GNPTG: variants seen among roughly 807,000 people sequenced by gnomAD.
GNPTG encodes N-acetylglucosamine-1-phosphotransferase subunit gamma.
Under a neutral mutation model 43.8 loss-of-function variants are expected in GNPTG, and 46 were observed. That is an observed-to-expected ratio of 1.05 (90% CI 0.83 to 1.34). The LOEUF (loss-of-function observed/expected upper bound fraction) is 1.34, where lower values mean the gene tolerates loss of function less well. Among genes scored for constraint, GNPTG ranks in the 40% most tolerant of loss-of-function variants. The probability of loss-of-function intolerance (pLI) is 0.00; values close to 1 mark genes in which losing one functional copy is unlikely to be tolerated. For synonymous variants in GNPTG, 250 were observed against 172.8 expected (o/e 1.45, Z -3.50); for missense variants, 549 against 411.3 (o/e 1.33, Z -2.90).
chr16:1,354,422 C>A (rs554606206), intron 3 of GNPTG, among the ~76,000 whole-genome samples: 61 of 151,500 alleles, frequency 4.0e-4, no homozygotes, highest in African/African-American at 1.3e-3. Context: ...CTAAAAAAAA[C>A]CACAAAAACA....
At position 1,363,534 on chromosome 16, in the gene GNPTG, C is replaced by T. The variant is rs1039513704; in HGVS notation, c.*443C>T. The T allele has an allele frequency of 2.8e-5, 7 of 247,624 alleles. No homozygotes were observed. Among genetic ancestry groups the T allele is most frequent in the South Asian group, 1.2e-4 (3 of 24,594 alleles). The allele number at this position is 247,624 out of a possible 1,614,324, so 15.3% of individuals were successfully genotyped here. A position where few individuals can be genotyped will look rare whatever the true frequency, so the allele number is the denominator to read the frequency against. The stretch of plus-strand genomic sequence containing the variant: ...GAATGTCGAACACTAGAGTTACAGA[C>T]GACAGGCAACAAGAACATGCAGAGC... On this transcript the variant is annotated 3_prime_UTR_variant, in exon 11 of 11. Coordinates refer to ENST00000204679, the MANE Select transcript of GNPTG (RefSeq NM_032520.5).
At chr16:1,356,759 C>A (rs1467668656) in intron 3 of GNPTG, among the ~76,000 whole-genome samples, 1 of 152,234 alleles carries the variant, frequency 6.6e-6, no homozygotes, top group Non-Finnish European at 1.5e-5. Context: ...GCGCCCACGC[C>A]CCTCCTGGGG....
At chr16:1,354,380 A>C (rs138266370) in intron 3 of GNPTG, among the ~76,000 whole-genome samples, 2,494 of 152,084 alleles carry the variant, frequency 0.016, 65 homozygotes, top group African/African-American at 0.056. Flanking sequence ...GTTCGAGACC[A>C]GCCTGGCCAA....
intron 3 of GNPTG, among the ~76,000 whole-genome samples, chr16:1,353,290 T>C (rs2034717356): frequency 6.6e-6 from 1 of 152,194 alleles, no homozygotes; most frequent in Admixed American, 6.5e-5. Context: ...GTAATTTTAT[T>C]ATCGAATACC....
chr16:1,361,740 C>T lies in GNPTG; in HGVS notation c.179-3C>T, dbSNP rs2034884159. ...CTGGGGATCAGTGTGAGGTCTCTTC[C>T]AGGACCCGTGCATCTCTTCCGACTC... is the stretch of plus-strand genomic sequence containing the variant. On this transcript the variant is annotated splice_polypyrimidine_tract_variant and splice_region_variant and intron_variant, in intron 3 of 10. Transcript: ENST00000204679. 2 of 1,614,106 alleles carry T rather than the reference C, an allele frequency of 1.2e-6. No individual in the cohort carries two copies. Among genetic ancestry groups the T allele is most frequent in the South Asian group, 2.2e-5 (2 of 91,078 alleles).
chr16:1,351,969 G>T lies in GNPTG; in HGVS notation c.4G>T (p.Ala2Ser). 2 of 1,304,894 alleles carry T rather than the reference G, an allele frequency of 1.5e-6. No individual in the cohort carries two copies. Among genetic ancestry groups the T allele is most frequent in the Non-Finnish European group, 1.9e-6 (2 of 1,031,838 alleles). 80.8% of individuals were successfully genotyped at this position (1,304,894 alleles called of 1,614,324 possible). MAAGLARLLLLL... is the reference protein window; with the variant it reads MSAGLARLLLLL... ...GCGCGGCGGCCGCTGCGGCGCGATG[G>T]CGGCGGGGCTGGCGCGGCTCCTGTT... The change falls in exon 1 of 11, where the codon GCG becomes TCG. Residue 2 changes from alanine to serine, a missense_variant. Physicochemically the swap from Ala to Ser is moderately conservative, Grantham distance 99 (BLOSUM62 1). Coordinates refer to ENST00000204679, the MANE Select transcript of GNPTG (RefSeq NM_032520.5).
intron 3 of GNPTG, among the ~76,000 whole-genome samples, chr16:1,353,208 C>T (rs1167912329): frequency 6.6e-6 from 1 of 152,174 alleles, no homozygotes; most frequent in Admixed American, 6.5e-5. Context: ...AACTCCTGAC[C>T]TCAAGTGATC....
At chr16:1,353,182 G>C (rs974813488) in intron 3 of GNPTG, among the ~76,000 whole-genome samples, 9 of 152,082 alleles carry the variant, frequency 5.9e-5, no homozygotes, top group African/African-American at 2.2e-4. Flanking sequence ...TCACCGTATT[G>C]ACCAGGCGGG....
intron 3 of GNPTG, chr16:1,361,460 C>T (rs1043726417): frequency 2.0e-5 from 8 of 391,252 alleles, no homozygotes; most frequent in Admixed American, 3.6e-5. Context: ...CTGGCTAACG[C>T]GGTGAAACCC....
intron 3 of GNPTG, among the ~76,000 whole-genome samples, chr16:1,355,223 G>A (rs2034755885): frequency 6.6e-6 from 1 of 152,158 alleles, no homozygotes; most frequent in Non-Finnish European, 1.5e-5. Flanking sequence ...CCTCTCCTGC[G>A]TCTGTGGGGT....
chr16:1,356,761 C>T (rs934156812), intron 3 of GNPTG, among the ~76,000 whole-genome samples: 1 of 152,344 alleles, frequency 6.6e-6, no homozygotes, highest in African/African-American at 2.4e-5. Context: ...GCCCACGCCC[C>T]TCCTGGGGTG....
intron 3 of GNPTG, among the ~76,000 whole-genome samples, chr16:1,354,865 C>T (rs1339252600): frequency 6.6e-6 from 1 of 152,086 alleles, no homozygotes; most frequent in Non-Finnish European, 1.5e-5. Context: ...TAGTCCCCCG[C>T]GTCTGTAGGG....
chr16:1,352,154 GT>G lies in GNPTG; in HGVS notation c.108del (p.Phe36LeufsTer3). 6.3e-7 allele frequency: 1 copy of G among 1,578,876 alleles called. No individual in the cohort carries two copies. Among genetic ancestry groups the G allele is most frequent in the Non-Finnish European group, 8.6e-7 (1 of 1,164,020 alleles). ...TGAAGGTGGTGGAGGAGCCCAACGCGTTTGGGTGAGCAGCCTCGCGGGCTGG... is the reference window on the plus strand; with the variant it reads ...TGAAGGTGGTGGAGGAGCCCAACGCGTTGGGTGAGCAGCCTCGCGGGCTGG... ...KMKVVEEPNA[F>X]GVNNPFLPQA... On this transcript the variant is annotated frameshift_variant, in exon 2 of 11. Coordinates refer to ENST00000204679, the MANE Select transcript of GNPTG (RefSeq NM_032520.5). LOFTEE classifies it high-confidence loss of function.
chr16:1,356,184 C>A (rs938784761), intron 3 of GNPTG, among the ~76,000 whole-genome samples: 2 of 152,124 alleles, frequency 1.3e-5, no homozygotes, highest in African/African-American at 4.8e-5. Context: ...CAGGCTCAGC[C>A]AAGCTGATGG....
rs1316413403 is a variant in GNPTG, at chr16:1,362,445, T to G, written c.527-7T>G. 1.2e-6 allele frequency: 2 copies of G among 1,613,554 alleles called. No individual in the cohort carries two copies. Among genetic ancestry groups the G allele is most frequent in the Admixed American group, 3.3e-5 (2 of 60,008 alleles). On this transcript the variant is annotated splice_polypyrimidine_tract_variant and splice_region_variant and intron_variant, in intron 7 of 10. Transcript: ENST00000204679. ...GCAGCTGAGCCTGGCTTCTCTTGGGTCCTCAGTGTACCCAACCCTGCCAGA... is the reference window on the plus strand; with the variant it reads ...GCAGCTGAGCCTGGCTTCTCTTGGGGCCTCAGTGTACCCAACCCTGCCAGA...
chr16:1,353,688 A>G (rs1357135635), intron 3 of GNPTG, among the ~76,000 whole-genome samples: 1 of 152,034 alleles, frequency 6.6e-6, no homozygotes, highest in African/African-American at 2.4e-5. Context: ...CATGCCCGGC[A>G]AATGTTAAGT....
chr16:1,353,785 T>C (rs1023661100), intron 3 of GNPTG, among the ~76,000 whole-genome samples: 8 of 152,174 alleles, frequency 5.3e-5, no homozygotes, highest in African/African-American at 1.9e-4. Context: ...TTGGTGGGGA[T>C]TGCTTTAAAT....
At position 1,362,250 on chromosome 16, in the gene GNPTG, C is replaced by G. The variant is rs760954235; in HGVS notation, c.456C>G (p.Ser152=). 20 of 1,613,536 alleles carry G rather than the reference C, an allele frequency of 1.2e-5. No individual in the cohort carries two copies. The highest frequency in any genetic ancestry group is 3.3e-5 in the South Asian group (3 of 91,088). Residue 152 remains serine (S), a synonymous_variant, in exon 7 of 11, where the codon TCC becomes TCG. Transcript: ENST00000204679. ...CGKSNRLAHV[S]EPSTCVYALT... is the part of the protein sequence containing the mutation. Reference sequence around the variant, plus strand: ...AAAGCAACCGGCTGGCCCATGTGTCCGAGCCGAGCACCTGCGTCTACGCGC... The same window carrying G: ...AAAGCAACCGGCTGGCCCATGTGTCGGAGCCGAGCACCTGCGTCTACGCGC...
chr16:1,358,960 C>CT (rs2034824882), intron 3 of GNPTG: 1 of 152,048 alleles, frequency 6.6e-6, no homozygotes, highest in Non-Finnish European at 1.5e-5. Context: ...CTCCCAGGCT[C>CT]AGGCGATTCT....
Sources: gnomAD v4.1 joint callset for allele counts (sites outside exome capture counted in the v4.1 genomes callset) on GRCh38, gnomAD v4.1.1 for gene constraint, MANE v1.5 for transcripts, NCBI Gene and HGNC (gene_info 2026-07-23, HGNC 2026-07-21) for gene names.